Variants in ENAH observed in about 807,000 individuals in gnomAD.
ENAH encodes protein enabled homolog.
ENAH carries 23 observed loss-of-function variants against 78.7 expected under a neutral mutation model. The ratio of observed to expected loss-of-function variants is 0.29; its 90% CI spans 0.21 to 0.41. The LOEUF (loss-of-function observed/expected upper bound fraction) is 0.41, where lower values mean the gene tolerates loss of function less well. Ranked by LOEUF, ENAH falls within the 10% of genes least tolerant of loss-of-function variation. The pLI, the probability that ENAH is intolerant of heterozygous loss-of-function variation, is 1.00. For missense variants in ENAH, 544 were observed against 691.0 expected, an observed-to-expected ratio of 0.79 and a Z score of 2.39; for synonymous variants, 226 against 241.0, an observed-to-expected ratio of 0.94 and a Z score of 0.58.
chr1:225,608,815 C>CAAAAAAA lies in ENAH; in HGVS notation c.6-41408_6-41402dup, dbSNP rs928281132. 4.4e-4 allele frequency among the ~76,000 whole-genome samples: 9 copies of CAAAAAAA among 20,658 alleles called. 1 individual carries two copies. Among genetic ancestry groups the CAAAAAAA allele is most frequent in the African/African-American group, 1.5e-3 (9 of 6,058 alleles). The allele number at this position is 20,658 out of a possible 152,430, so 13.6% of individuals were successfully genotyped here. A position where few individuals can be genotyped will look rare whatever the true frequency, so the allele number is the denominator to read the frequency against. ...TGGGCGACAGAGCGAGACTCTGTCT[C>CAAAAAAA]AAAAAAAAAAAAAAAAAAAAAAAAA... On this transcript the variant is annotated intron_variant, in intron 1 of 13. Transcript: ENST00000366843.
At chr1:225,515,129 A>T in intron 6 of ENAH, 1 of 510,750 alleles carries the variant, frequency 2.0e-6, no homozygotes, top group Non-Finnish European at 3.4e-6. Flanking sequence ...TAGTAATAGA[A>T]CTATGCAACA....
chr1:225,507,555 G>A (rs1379006679), intron 11 of ENAH, among the ~76,000 whole-genome samples: 4 of 152,050 alleles, frequency 2.6e-5, no homozygotes, highest in Admixed American at 2.6e-4. Flanking sequence ...ACTAATCAGA[G>A]GGGAAAAAAG....
In ENAH at chr1:225,585,049, T is replaced by C. The variant is rs893654882; in HGVS notation, c.6-17635A>G. Among the ~76,000 whole-genome samples the C allele has an allele frequency of 8.6e-5, 13 of 151,598 alleles. No homozygotes were observed. In the East Asian group the frequency reaches 2.5e-3, roughly 29 times the overall value. The stretch of plus-strand genomic sequence containing the variant: ...GGCCAACATGGTGAAACCATATCTC[T>C]ACTAAAAATACAAAAATTAGCCAGG... On this transcript the variant is annotated intron_variant, in intron 1 of 13. Transcript: ENST00000366843.
Position 225,534,352 on chromosome 1 carries a change from G to A in ENAH, c.350-3714C>T, listed in dbSNP as rs375200488. The stretch of plus-strand genomic sequence containing the variant: ...CTCACTGCTGTAACTGTGTCCTCTG[G>A]AACAATCCTAAAATATAACTTTAAG... On this transcript the variant is annotated intron_variant, in intron 3 of 13. Transcript: ENST00000366843. Among the ~76,000 whole-genome samples the A allele has an allele frequency of 3.3e-5, 5 of 152,202 alleles. No individual in the cohort carries two copies. In the East Asian group the frequency reaches 9.6e-4, roughly 29 times the overall value.
chr1:225,651,021 G>A (rs1485960122), intron 1 of ENAH, among the ~76,000 whole-genome samples: 1 of 151,764 alleles, frequency 6.6e-6, no homozygotes, highest in Non-Finnish European at 1.5e-5. Context: ...AGATATAACA[G>A]TATGTATATT....
chr1:225,532,526 A>G (rs2096542992), intron 3 of ENAH, among the ~76,000 whole-genome samples: 1 of 152,114 alleles, frequency 6.6e-6, no homozygotes, highest in African/African-American at 2.4e-5. Context: ...ATCAAAGGTA[A>G]TATTAATGGA....
chr1:225,565,233 C>T (rs1003114931), intron 2 of ENAH, among the ~76,000 whole-genome samples: 1 of 152,020 alleles, frequency 6.6e-6, no homozygotes, highest in Non-Finnish European at 1.5e-5. Context: ...GCCAGGAGTT[C>T]AAAACCAGCC....
chr1:225,560,536 A>C (rs946866762), intron 2 of ENAH, among the ~76,000 whole-genome samples: 1 of 152,096 alleles, frequency 6.6e-6, no homozygotes, highest in African/African-American at 2.4e-5. Flanking sequence ...GCTGGAGTGC[A>C]GTGGCTATTC....
At chr1:225,527,489 G>T (rs1295820174) in intron 4 of ENAH, among the ~76,000 whole-genome samples, 1 of 152,164 alleles carries the variant, frequency 6.6e-6, no homozygotes, top group Admixed American at 6.5e-5. Flanking sequence ...GAGAGAAAGT[G>T]AAAACCAGTA....
Position 225,495,148 on chromosome 1 carries a change from A to T in ENAH, c.*2627T>A, listed in dbSNP as rs1456647591. On this transcript the variant is annotated 3_prime_UTR_variant, in exon 14 of 14. Transcript: ENST00000366843. ...ATAGTGGATAGTACAGACTTGTCAC[A>T]GGTCAGATCACAGTGTTGAGGAAAG... 2 of 152,642 alleles carry T rather than the reference A, an allele frequency of 1.3e-5. No individual in the cohort carries two copies. Among genetic ancestry groups the T allele is most frequent in the African/African-American group, 4.8e-5 (2 of 41,456 alleles). 9.5% of individuals were successfully genotyped at this position (152,642 alleles called of 1,614,324 possible). A position where few individuals can be genotyped will look rare whatever the true frequency, so the allele number is the denominator to read the frequency against.
At chr1:225,638,252 G>C (rs1451676141) in intron 1 of ENAH, among the ~76,000 whole-genome samples, 2 of 151,990 alleles carry the variant, frequency 1.3e-5, no homozygotes, top group African/African-American at 4.8e-5. Context: ...AACATTCCAG[G>C]CTCAAGTGAT....
chr1:225,503,935 TCA>T (rs1399033957), intron 11 of ENAH, among the ~76,000 whole-genome samples: 7 of 152,174 alleles, frequency 4.6e-5, no homozygotes, highest in Admixed American at 6.5e-5. Flanking sequence ...TAAATATATT[TCA>T]GTTATTTCTA....
intron 6 of ENAH, among the ~76,000 whole-genome samples, chr1:225,515,822 T>C (rs1483158413): frequency 1.3e-5 from 2 of 152,370 alleles, no homozygotes; most frequent in African/African-American, 2.4e-5. Context: ...CTGTCCCTTC[T>C]GTAGGGGTTG....
chr1:225,544,197 T>G (rs1288083249), intron 3 of ENAH, among the ~76,000 whole-genome samples: 1 of 152,238 alleles, frequency 6.6e-6, no homozygotes, highest in Non-Finnish European at 1.5e-5. Flanking sequence ...TATCACAATT[T>G]TTGACTATTT....
chr1:225,507,372 T>C (rs2096340928), intron 11 of ENAH, among the ~76,000 whole-genome samples: 1 of 151,988 alleles, frequency 6.6e-6, no homozygotes, highest in Non-Finnish European at 1.5e-5. Flanking sequence ...ATCTATGTCA[T>C]TGGAACTAAT....
chr1:225,597,557 C>T (rs556481856), intron 1 of ENAH, among the ~76,000 whole-genome samples: 5 of 150,634 alleles, frequency 3.3e-5, no homozygotes, highest in African/African-American at 7.3e-5. Flanking sequence ...CCCAGGAGCC[C>T]GAGACAGGAG....
At chr1:225,599,792 G>A (rs913577610) in intron 1 of ENAH, among the ~76,000 whole-genome samples, 2 of 108,332 alleles carry the variant, frequency 1.8e-5, no homozygotes, top group Non-Finnish European at 1.8e-5. Context: ...CCGAGACTCC[G>A]TCTTAAAAAA....
chr1:225,506,269 C>T (rs962167612), intron 11 of ENAH, among the ~76,000 whole-genome samples: 2 of 152,198 alleles, frequency 1.3e-5, no homozygotes, highest in Non-Finnish European at 2.9e-5. Context: ...CTCACTGCAA[C>T]CTCCGTCTCC....
At chr1:225,606,234 G>C (rs1029219391) in intron 1 of ENAH, among the ~76,000 whole-genome samples, 4 of 152,124 alleles carry the variant, frequency 2.6e-5, no homozygotes, top group Admixed American at 2.6e-4. Flanking sequence ...GGCCGAGGCA[G>C]GTGGATCATC....
Sources: allele counts gnomAD v4.1 joint callset (sites outside exome capture counted in the v4.1 genomes callset), GRCh38; gene constraint gnomAD v4.1.1; transcripts MANE v1.5; gene names NCBI Gene and HGNC (gene_info 2026-07-23, HGNC 2026-07-21).